Variants in PAX6 observed in about 807,000 individuals in gnomAD.
PAX6 encodes paired box protein Pax-6.
In PAX6, 7 loss-of-function variants were observed where a neutral mutation model predicts 60.7. The observed-to-expected ratio is 0.12, with a 90% CI of 0.07 to 0.22. The LOEUF is 0.22. Among genes scored for constraint, PAX6 ranks in the 10% least tolerant of loss-of-function variants. The pLI is 1.00. For synonymous variants in PAX6, 208 were observed against 201.2 expected, an observed-to-expected ratio of 1.03 and a Z score of -0.29; for missense variants, 355 against 555.2, an observed-to-expected ratio of 0.64 and a Z score of 3.62.
At chr11:31,800,534 C>T (rs1021943670) in intron 8 of PAX6, 157 bp downstream of exon 8, 4 of 913,188 alleles carry the variant, frequency 4.4e-6, no homozygotes, top group African/African-American at 3.2e-5. Flanking sequence ...ACACCACCTA[C>T]ATACAATGTG....
Position 31,789,743 on chromosome 11 carries a change from C to T in PAX6, c.*191G>A, listed in dbSNP as rs750748406. The T allele has an allele frequency of 8.5e-6, 6 of 708,964 alleles. No homozygotes were observed. The highest frequency in any genetic ancestry group is 2.0e-5 in the Admixed American group (1 of 49,984). 43.9% of individuals were successfully genotyped at this position (708,964 alleles called of 1,614,324 possible). ...AGATTTGTTCCAACTGATATCGTGC[C>T]TTCTGTATACAAAGGTCCTTGTTTC... On this transcript the variant is annotated 3_prime_UTR_variant, in exon 14 of 14. Transcript: ENST00000640368.
At chr11:31,795,877 C>A (rs1256741344) in intron 8 of PAX6, among the ~76,000 whole-genome samples, 1 of 152,220 alleles carries the variant, frequency 6.6e-6, no homozygotes, top group East Asian at 1.9e-4. Context: ...CCTGAAATGA[C>A]CCCCAAGGGA....
chr11:31,803,217 T>C (rs945194642), intron 4 of PAX6: 4 of 267,382 alleles, frequency 1.5e-5, no homozygotes, highest in African/African-American at 6.6e-5. Flanking sequence ...CCCAGCAGTG[T>C]CCCCAGCCCA....
chr11:31,816,585 G>A (rs1230555946), intron 1 of PAX6: 1 of 702,492 alleles, frequency 1.4e-6, no homozygotes. Flanking sequence ...CAGGCGACCT[G>A]CTCGCCGCCC....
rs1183568201 is a variant in PAX6, at chr11:31,789,738, C to T, written c.*196G>A. 5.7e-6 allele frequency: 4 copies of T among 707,578 alleles called. No individual in the cohort carries two copies. The highest frequency in any genetic ancestry group is 2.7e-5 in the East Asian group (1 of 37,282). The allele number at this position is 707,578 out of a possible 1,614,324, so 43.8% of individuals were successfully genotyped here. ...AATGAAGATTTGTTCCAACTGATATCGTGCCTTCTGTATACAAAGGTCCTT... is the reference window on the plus strand; with the variant it reads ...AATGAAGATTTGTTCCAACTGATATTGTGCCTTCTGTATACAAAGGTCCTT... On this transcript the variant is annotated 3_prime_UTR_variant, in exon 14 of 14. Coordinates refer to ENST00000640368, the MANE Select transcript of PAX6 (RefSeq NM_001368894.2).
chr11:31,801,488 A>G, intron 7 of PAX6, 73 bp downstream of exon 7: 1 of 1,609,960 alleles, frequency 6.2e-7, no homozygotes. Flanking sequence ...GTGGAGAGAG[A>G]GGGTGGGAGG....
chr11:31,804,824 C>T (rs1955278816), intron 4 of PAX6: 1 of 152,298 alleles, frequency 6.6e-6, no homozygotes. Context: ...CCTCCCTCCT[C>T]ACTCATTTCA....
At chr11:31,796,015 G>C (rs1306776894) in intron 8 of PAX6, among the ~76,000 whole-genome samples, 2 of 152,260 alleles carry the variant, frequency 1.3e-5, no homozygotes, top group East Asian at 3.8e-4. Flanking sequence ...GAGACAATAG[G>C]CTGCGCCTTC....
intron 7 of PAX6, 48 bp downstream of exon 7, chr11:31,801,513 G>T: frequency 6.2e-7 from 1 of 1,613,434 alleles, no homozygotes; most frequent in Non-Finnish European, 8.5e-7. Context: ...AAAGAGGAGA[G>T]AGCATTGGGC....
At chr11:31,794,337 C>T (rs1950778640) in intron 9 of PAX6, 1 of 591,464 alleles carries the variant, frequency 1.7e-6, no homozygotes, top group Middle Eastern at 2.7e-4. Flanking sequence ...CCTGAAATAG[C>T]CAAATCATCA....
chr11:31,794,848 G>C, intron 8 of PAX6, 60 bp from the exon 9 acceptor site: 1 of 1,529,382 alleles, frequency 6.5e-7, no homozygotes, highest in East Asian at 2.2e-5. Flanking sequence ...CCTCCAAAAG[G>C]GGCCTGGTGT....
At chr11:31,816,441 A>C in intron 1 of PAX6, 1 of 667,154 alleles carries the variant, frequency 1.5e-6, no homozygotes, top group Non-Finnish European at 2.7e-6. Flanking sequence ...AGAGGTAATT[A>C]TGTCACCGCG....
upstream of PAX6, chr11:31,812,300 C>CTGTGTGTGTGTGTGTGTGTGTG (rs1202428562): frequency 2.7e-5 from 3 of 110,178 alleles, no homozygotes; most frequent in South Asian, 3.5e-4. Flanking sequence ...CTCTCTCTCT[C>CTGTGTGTGTGTGTGTGTGTGTG]TCTGTGTGTG....
chr11:31,794,535 C>G, intron 9 of PAX6, 95 bp downstream of exon 9: 1 of 1,238,684 alleles, frequency 8.1e-7, no homozygotes, highest in Non-Finnish European at 1.2e-6. Flanking sequence ...TTTCATTCTT[C>G]TATGCAAAGG....
At chr11:31,792,963 G>T in intron 12 of PAX6, 1 of 408,114 alleles carries the variant, frequency 2.5e-6, no homozygotes, top group Non-Finnish European at 4.4e-6. Flanking sequence ...TCCCATTTCT[G>T]ATCCTTTTTT....
At chr11:31,791,253 C>A (rs644242) in intron 12 of PAX6, 23,242 of 355,048 alleles carry the variant, frequency 0.065, 1,073 homozygotes, top group East Asian at 0.19. Context: ...AACCCTATGA[C>A]CCCCAGAGCC....
intron 1 of PAX6, among the ~76,000 whole-genome samples, chr11:31,816,846 G>A (rs1285294171): frequency 2.0e-5 from 3 of 152,246 alleles, no homozygotes; most frequent in Non-Finnish European, 4.4e-5. Context: ...CTGGCCCAGA[G>A]GCCGCCCCAA....
intron 8 of PAX6, among the ~76,000 whole-genome samples, chr11:31,796,370 C>T (rs1363693120): frequency 6.6e-6 from 1 of 151,980 alleles, no homozygotes; most frequent in Non-Finnish European, 1.5e-5. Context: ...GAAGCCCAGT[C>T]AACAGACTTT....
upstream of PAX6, among the ~76,000 whole-genome samples, chr11:31,813,735 C>T (rs1323457031): frequency 6.6e-6 from 1 of 152,166 alleles, no homozygotes; most frequent in Non-Finnish European, 1.5e-5. Context: ...GGCTGCTTCC[C>T]ATGTGTCAAT....
Sources: gnomAD v4.1 joint callset for allele counts (sites outside exome capture counted in the v4.1 genomes callset) on GRCh38, gnomAD v4.1.1 for gene constraint, MANE v1.5 for transcripts, NCBI Gene and HGNC (gene_info 2026-07-23, HGNC 2026-07-21) for gene names.